The following HMX1 variants were observed in gnomAD, a reference collection of about 807,000 sequenced individuals.
HMX1 encodes the protein H6 family homeobox 1, also known as homeobox protein HMX1.
A neutral mutation model predicts 8.9 loss-of-function variants in HMX1; 8 were observed. The observed-to-expected ratio is 0.90, with a 90% CI of 0.53 to 1.63. The LOEUF is 1.63. Ranked by LOEUF, HMX1 falls within the 40% of genes most tolerant of loss-of-function variation. The probability of loss-of-function intolerance (pLI) is 0.00; values close to 1 mark genes in which losing one functional copy is unlikely to be tolerated. For synonymous variants in HMX1, 311 were observed against 283.4 expected (o/e 1.10, Z -0.98); for missense variants, 621 against 558.5 (o/e 1.11, Z -1.13).
chr4:8,859,316 A>T (rs1721718404), intron 1 of HMX1, among the ~76,000 whole-genome samples: 1 of 152,144 alleles, frequency 6.6e-6, no homozygotes, highest in African/African-American at 2.4e-5. Context: ...CCATCCCGTT[A>T]GCACGATTTC....
At chr4:8,863,327 C>T (rs558808564), downstream of HMX1, among the ~76,000 whole-genome samples, 2 of 152,204 alleles carry the variant, frequency 1.3e-5, no homozygotes. Flanking sequence ...ACGAAAGACT[C>T]TTGGGGGAGA....
Position 8,867,504 on chromosome 4 carries a change from A to C in HMX1, c.*189T>G. The C allele has an allele frequency of 2.6e-6, 3 of 1,166,664 alleles. No individual in the cohort carries two copies. The highest frequency in any genetic ancestry group is 2.1e-6 in the Non-Finnish European group (2 of 947,260). The allele number at this position is 1,166,664 out of a possible 1,614,324, so 72.3% of individuals were successfully genotyped here. A position where few individuals can be genotyped will look rare whatever the true frequency, so the allele number is the denominator to read the frequency against. On this transcript the variant is annotated 3_prime_UTR_variant, in exon 2 of 2. Transcript: ENST00000400677. The stretch of plus-strand genomic sequence containing the variant: ...GCCTGGCAAATGGGTGGGGCGTCCC[A>C]TTACATTCTAGAGGCGCTCCCCACA...
At position 8,871,504 on chromosome 4, in the gene HMX1, C is replaced by T. The variant is rs1212518359; in HGVS notation, c.111G>A (p.Gln37=). The T allele has an allele frequency of 3.7e-6, 5 of 1,343,018 alleles. No homozygotes were observed. The highest frequency in any genetic ancestry group is 3.8e-6 in the Non-Finnish European group (4 of 1,046,998). 83.2% of individuals were successfully genotyped at this position (1,343,018 alleles called of 1,614,324 possible). A position where few individuals can be genotyped will look rare whatever the true frequency, so the allele number is the denominator to read the frequency against. The change falls in exon 1 of 2, where the codon CAG becomes CAA. Residue 37 remains glutamine, a synonymous_variant. Transcript: ENST00000400677. This position sits in a 1 kb window ranked among gnomAD's most constrained non-coding sequence, Gnocchi z 4.8. ...AEAKGAGRAT[Q]GDGSREDEEE... ...CCTCGTCCTCCCGGCTGCCGTCGCC[C>T]TGGGTCGCGCGCCCTGCGCCCTTGG...
At chr4:8,869,953 G>C (rs1008808595) in intron 1 of HMX1, among the ~76,000 whole-genome samples, 1 of 152,178 alleles carries the variant, frequency 6.6e-6, no homozygotes, top group African/African-American at 2.4e-5. Flanking sequence ...AGAGTCGCTC[G>C]ATTTCTGGGA....
downstream of HMX1, among the ~76,000 whole-genome samples, chr4:8,865,512 G>A (rs545346284): frequency 6.6e-6 from 1 of 151,342 alleles, no homozygotes; most frequent in African/African-American, 2.4e-5. Flanking sequence ...GGTGTCGCCG[G>A]CTGTGCCCTG....
At chr4:8,855,240 T>A (rs969607584) in intron 1 of HMX1, among the ~76,000 whole-genome samples, 9 of 152,218 alleles carry the variant, frequency 5.9e-5, no homozygotes, top group African/African-American at 2.2e-4. Flanking sequence ...TGCAGCTAAT[T>A]GGCTGTGCAA....
intron 1 of HMX1, among the ~76,000 whole-genome samples, chr4:8,861,647 C>A (rs1265686534): frequency 1.3e-5 from 2 of 152,120 alleles, no homozygotes; most frequent in Non-Finnish European, 2.9e-5. Flanking sequence ...CAGGAGTGTC[C>A]GCCAGGCGCC....
chr4:8,867,665 C>A lies in HMX1; in HGVS notation c.*28G>T. On this transcript the variant is annotated 3_prime_UTR_variant, in exon 2 of 2. Coordinates refer to ENST00000400677, the MANE Select transcript of HMX1 (RefSeq NM_018942.3). ...GCGCGTCCACACAGGTCCACAGGGT[C>A]GTGGGGAGAGGGCCCGGCAGGCGGG... 2 of 1,236,440 alleles carry A rather than the reference C, an allele frequency of 1.6e-6. No homozygotes were observed. Among genetic ancestry groups the A allele is most frequent in the South Asian group, 3.7e-5 (1 of 27,128 alleles). The allele number at this position is 1,236,440 out of a possible 1,614,324, so 76.6% of individuals were successfully genotyped here. A position where few individuals can be genotyped will look rare whatever the true frequency, so the allele number is the denominator to read the frequency against.
intron 1 of HMX1, among the ~76,000 whole-genome samples, chr4:8,855,078 G>A (rs980372775): frequency 2.0e-5 from 3 of 152,196 alleles, no homozygotes; most frequent in African/African-American, 7.2e-5. Context: ...CAGGAGTGAC[G>A]CCCACGCTCC....
rs2109474040 is a variant in HMX1 at position 8,868,519 on chromosome 4, G to A, written c.395-174C>T. On this transcript the variant is annotated intron_variant, in intron 1 of 1. Coordinates refer to ENST00000400677, the MANE Select transcript of HMX1 (RefSeq NM_018942.3). The surrounding 1 kb of genome is among the most constrained non-coding windows in gnomAD (Gnocchi z 4.6). ...GATGCACACATTGTCAGAACCGTGG[G>A]AGGCGGCCCAGAGACCAGGCAGCAG... 6.6e-6 allele frequency among the ~76,000 whole-genome samples: 1 copy of A among 152,276 alleles called. No homozygotes were observed. The highest frequency in any genetic ancestry group is 1.5e-5 in the Non-Finnish European group (1 of 68,014).
At chr4:8,869,199 C>T (rs909840096) in intron 1 of HMX1, among the ~76,000 whole-genome samples, 1 of 152,172 alleles carries the variant, frequency 6.6e-6, no homozygotes, top group Non-Finnish European at 1.5e-5. Context: ...AGTTCATGTT[C>T]CAAGTACCAA....
intron 1 of HMX1, chr4:8,860,962 G>A (rs1213608271): frequency 4.9e-5 from 7 of 143,624 alleles, no homozygotes; most frequent in Admixed American, 6.7e-5. Flanking sequence ...GGCGGGGGCG[G>A]GGGCGAGGGC....
intron 1 of HMX1, chr4:8,860,913 GCCAGACTT>G (rs948387563): frequency 1.3e-5 from 2 of 148,568 alleles, no homozygotes; most frequent in Non-Finnish European, 3.0e-5. Flanking sequence ...TGAAGGCTGA[GCCAGACTT>G]CCAGACGCCA....
downstream of HMX1, among the ~76,000 whole-genome samples, chr4:8,866,574 A>G: frequency 6.6e-6 from 1 of 152,202 alleles, no homozygotes; most frequent in Non-Finnish European, 1.5e-5. Flanking sequence ...CCAGCTGACC[A>G]GAGACCAGAG....
At position 8,867,389 on chromosome 4, in the gene HMX1, C is replaced by T. The variant is rs1470339628; in HGVS notation, c.*304G>A. 34 of 1,055,568 alleles carry T rather than the reference C, an allele frequency of 3.2e-5. No individual in the cohort carries two copies. Among genetic ancestry groups the T allele is most frequent in the Admixed American group, 1.6e-4 (3 of 18,314 alleles). The allele number at this position is 1,055,568 out of a possible 1,614,324, so 65.4% of individuals were successfully genotyped here. A position where few individuals can be genotyped will look rare whatever the true frequency, so the allele number is the denominator to read the frequency against. ...GCTGCCCCGGGTGGCCATGGCCGAC[C>T]GCTCCTCGCTGAGGCCGGGGGGTGG... On this transcript the variant is annotated 3_prime_UTR_variant, in exon 2 of 2. Coordinates refer to ENST00000400677, the MANE Select transcript of HMX1 (RefSeq NM_018942.3).
Position 8,868,039 on chromosome 4 carries a change from G to T in HMX1, c.701C>A (p.Ala234Asp). ...LKRYLSSAER[A>D]GLAASLQLTE... ...GAGCTGCAGGGAGGCGGCCAGGCCGGCGCGCTCGGCGCTGCTCAGGTAGCG... is the reference window on the plus strand; with the variant it reads ...GAGCTGCAGGGAGGCGGCCAGGCCGTCGCGCTCGGCGCTGCTCAGGTAGCG... Residue 234 changes from alanine to aspartate, a missense_variant, in exon 2 of 2, where the codon GCC becomes GAC. Transcript: ENST00000400677. The surrounding 1 kb of genome is among the most constrained non-coding windows in gnomAD (Gnocchi z 4.6). The T allele has an allele frequency of 6.5e-7, 1 of 1,534,366 alleles. No homozygotes were observed.
At chr4:8,869,858 G>C (rs1452201038) in intron 1 of HMX1, among the ~76,000 whole-genome samples, 1 of 152,192 alleles carries the variant, frequency 6.6e-6, no homozygotes, top group Non-Finnish European at 1.5e-5. Context: ...TGGGCTGCAG[G>C]AGGGGATGCA....
chr4:8,846,271 T>C, exon 2 of HMX1: 3 of 1,535,318 alleles, frequency 2.0e-6, no homozygotes, highest in South Asian at 1.2e-5. Context: ...TTATCAGCTC[T>C]GGTCACCTGC....
At chr4:8,861,241 G>A (rs975558336) in intron 1 of HMX1, among the ~76,000 whole-genome samples, 2 of 152,140 alleles carry the variant, frequency 1.3e-5, no homozygotes, top group South Asian at 2.1e-4. Flanking sequence ...GCCCCAGCGG[G>A]GCAGGCAGGG....
Sources: gnomAD v4.1 joint callset for allele counts (sites outside exome capture counted in the v4.1 genomes callset) on GRCh38, gnomAD v4.1.1 for gene constraint, Gnocchi (gnomAD v3.1) non-coding constraint, MANE v1.5 for transcripts, NCBI Gene and HGNC (gene_info 2026-07-23, HGNC 2026-07-21) for gene names.